The following SEZ6L variants were observed in gnomAD, a reference collection of about 807,000 sequenced individuals.
SEZ6L encodes the protein seizure 6-like protein.
A neutral mutation model predicts 106.2 loss-of-function variants in SEZ6L; 37 were observed. The ratio of observed to expected loss-of-function variants is 0.35; its 90% CI spans 0.27 to 0.46. SEZ6L has a LOEUF of 0.46. SEZ6L is among the 20% of genes least tolerant of loss of function. The pLI, the probability that SEZ6L is intolerant of heterozygous loss-of-function variation, is 1.00. For missense variants in SEZ6L, 1,172 were observed against 1,332.8 expected, an observed-to-expected ratio of 0.88 and a Z score of 1.88; for synonymous variants, 541 against 570.4, an observed-to-expected ratio of 0.95 and a Z score of 0.73.
At chr22:26,206,271 G>A (rs536517670) in intron 1 of SEZ6L, among the ~76,000 whole-genome samples, 25 of 152,266 alleles carry the variant, frequency 1.6e-4, no homozygotes, top group African/African-American at 6.0e-4. Context: ...TCCCTTTTCT[G>A]AGAAAATGTC....
chr22:26,276,267 T>A (rs1216445932), intron 1 of SEZ6L, among the ~76,000 whole-genome samples: 4 of 152,178 alleles, frequency 2.6e-5, no homozygotes, highest in Non-Finnish European at 5.9e-5. Flanking sequence ...AAGATCACTG[T>A]CCAAACTTTA....
At chr22:26,215,761 G>C (rs967960788) in intron 1 of SEZ6L, among the ~76,000 whole-genome samples, 114 of 152,354 alleles carry the variant, frequency 7.5e-4, no homozygotes, top group Middle Eastern at 3.4e-3. Context: ...CTCAATCCCA[G>C]TGACTTGTCA....
chr22:26,315,332 A>G (rs1306266572), intron 9 of SEZ6L, among the ~76,000 whole-genome samples: 1 of 152,084 alleles, frequency 6.6e-6, no homozygotes, highest in Non-Finnish European at 1.5e-5. Flanking sequence ...AATAAAAATT[A>G]GCTGGATGTG....
chr22:26,236,687 C>T (rs79172980), intron 1 of SEZ6L, among the ~76,000 whole-genome samples: 3,276 of 152,186 alleles, frequency 0.022, 127 homozygotes, highest in African/African-American at 0.075. Context: ...GAGAGAGAAA[C>T]GAAGTGTTTT....
intron 12 of SEZ6L, among the ~76,000 whole-genome samples, chr22:26,354,395 C>G (rs73158656): frequency 3.9e-5 from 6 of 152,244 alleles, no homozygotes; most frequent in South Asian, 4.1e-4. Flanking sequence ...AGGACCCCCC[C>G]CAACCGCCCA....
At chr22:26,323,695 G>A (rs980057751) in intron 9 of SEZ6L, among the ~76,000 whole-genome samples, 3 of 151,980 alleles carry the variant, frequency 2.0e-5, no homozygotes, top group Non-Finnish European at 2.9e-5. Context: ...ACACAAGATA[G>A]GCAGATAACC....
intron 1 of SEZ6L, among the ~76,000 whole-genome samples, chr22:26,262,856 A>T (rs770400259): frequency 6.6e-6 from 1 of 152,230 alleles, no homozygotes; most frequent in African/African-American, 2.4e-5. Context: ...AAAGCAAATC[A>T]CAAGGGTGAC....
chr22:26,193,648 C>A (rs889537406), intron 1 of SEZ6L, among the ~76,000 whole-genome samples: 3 of 152,172 alleles, frequency 2.0e-5, no homozygotes, highest in African/African-American at 7.2e-5. Flanking sequence ...CTGTGCAAAT[C>A]TTTTCTTTCT....
At chr22:26,302,305 T>C (rs1174868202) in intron 5 of SEZ6L, among the ~76,000 whole-genome samples, 10 of 152,194 alleles carry the variant, frequency 6.6e-5, no homozygotes, top group African/African-American at 2.4e-4. Context: ...CTTGGGTGAC[T>C]CATATGCACA....
chr22:26,240,087 C>CAT (rs2079074640), intron 1 of SEZ6L, among the ~76,000 whole-genome samples: 2 of 119,054 alleles, frequency 1.7e-5, no homozygotes, highest in Non-Finnish European at 3.4e-5. Flanking sequence ...CACACACACA[C>CAT]ACACTCACAC....
chr22:26,291,232 C>T (rs934699413), intron 1 of SEZ6L, among the ~76,000 whole-genome samples: 2 of 152,206 alleles, frequency 1.3e-5, no homozygotes, highest in African/African-American at 4.8e-5. Flanking sequence ...AAATGTGGTA[C>T]ATGTACACCA....
rs899805451 is a variant in SEZ6L, at chr22:26,347,618, A to G, written c.2213-101A>G. 4 of 974,916 alleles carry G rather than the reference A, an allele frequency of 4.1e-6. No individual in the cohort carries two copies. In the African/African-American group the frequency reaches 5.2e-5, roughly 13 times the overall value. 60.4% of individuals were successfully genotyped at this position (974,916 alleles called of 1,614,324 possible). A position where few individuals can be genotyped will look rare whatever the true frequency, so the allele number is the denominator to read the frequency against. On this transcript the variant is annotated intron_variant, in intron 10 of 16. Coordinates refer to ENST00000248933, the MANE Select transcript of SEZ6L (RefSeq NM_021115.5). ...TTGGAAGCGTGTTGCTCATTTCTAG[A>G]GGCTTTTTTTTCTCTTCGCTCATCC...
chr22:26,185,385 G>A (rs1411467252), intron 1 of SEZ6L, among the ~76,000 whole-genome samples: 1 of 152,202 alleles, frequency 6.6e-6, no homozygotes, highest in African/African-American at 2.4e-5. Flanking sequence ...AAAATATGCT[G>A]TGTGACCTTG....
rs555528132 is a variant in SEZ6L, at chr22:26,374,955, G to A, written c.2828-620G>A. ...GTCATTGGGGTGTGCAGGACAGAGA[G>A]CTGTCAGTCCCCAATGCTCAGAGCC... On this transcript the variant is annotated intron_variant, in intron 14 of 16. Coordinates refer to ENST00000248933, the MANE Select transcript of SEZ6L (RefSeq NM_021115.5). Among the ~76,000 whole-genome samples, 10 of 152,260 alleles carry A rather than the reference G, an allele frequency of 6.6e-5. No individual in the cohort carries two copies. In the South Asian group the frequency reaches 2.1e-3, roughly 32 times the overall value.
At chr22:26,244,653 A>C (rs2079265318) in intron 1 of SEZ6L, 1 of 152,230 alleles carries the variant, frequency 6.6e-6, no homozygotes, top group Admixed American at 6.5e-5. Flanking sequence ...GAGGGATGTC[A>C]AACTCCAATT....
chr22:26,367,049 A>G (rs1323406729), intron 13 of SEZ6L, among the ~76,000 whole-genome samples: 1 of 152,118 alleles, frequency 6.6e-6, no homozygotes, highest in East Asian at 1.9e-4. Context: ...ACATTTACAT[A>G]CATACATAGC....
At chr22:26,256,402 CA>C (rs1478620896) in intron 1 of SEZ6L, among the ~76,000 whole-genome samples, 4 of 152,204 alleles carry the variant, frequency 2.6e-5, no homozygotes, top group South Asian at 2.1e-4. Context: ...CCAAAATGGC[CA>C]AAAGGCTCTT....
intron 1 of SEZ6L, among the ~76,000 whole-genome samples, chr22:26,184,539 T>G (rs1939643489): frequency 6.6e-6 from 1 of 152,218 alleles, no homozygotes; most frequent in African/African-American, 2.4e-5. Flanking sequence ...AATGTCTACT[T>G]TGTGGGCTCT....
At chr22:26,323,838 G>A (rs933051169) in intron 9 of SEZ6L, among the ~76,000 whole-genome samples, 5 of 151,968 alleles carry the variant, frequency 3.3e-5, no homozygotes, top group African/African-American at 1.2e-4. Flanking sequence ...TACTTACAAT[G>A]TGCCAGTCTT....
Sources: allele counts gnomAD v4.1 joint callset (sites outside exome capture counted in the v4.1 genomes callset), GRCh38; gene constraint gnomAD v4.1.1; transcripts MANE v1.5; gene names NCBI Gene and HGNC (gene_info 2026-07-23, HGNC 2026-07-21).